Variants in PTPN2 observed in about 807,000 individuals in gnomAD.
The protein encoded by PTPN2 is tyrosine-protein phosphatase non-receptor type 2.
A neutral mutation model predicts 57.3 loss-of-function variants in PTPN2; 19 were observed. The observed-to-expected ratio is 0.33, with a 90% CI of 0.23 to 0.49. The LOEUF (loss-of-function observed/expected upper bound fraction) is 0.49. Ranked by LOEUF, PTPN2 falls within the 20% of genes least tolerant of loss-of-function variation. PTPN2 has a pLI of 0.99. For synonymous variants in PTPN2, 153 were observed against 164.9 expected (o/e 0.93, Z 0.55); for missense variants, 358 against 501.1 (o/e 0.71, Z 2.73).
chr18:12,793,814 G>T lies in PTPN2; in HGVS notation c.*464C>A. 1 of 948,090 alleles carries T rather than the reference G, an allele frequency of 1.1e-6. No homozygotes were observed. The highest frequency in any genetic ancestry group is 1.3e-6 in the Non-Finnish European group (1 of 793,586). 58.7% of individuals were successfully genotyped at this position (948,090 alleles called of 1,614,324 possible). On this transcript the variant is annotated 3_prime_UTR_variant, in exon 9 of 9. Coordinates refer to ENST00000309660, the MANE Select transcript of PTPN2 (RefSeq NM_002828.4). Reference sequence around the variant, plus strand: ...TACCCTGAAATGCTTAAGAATAAAAGTGTTGATGCCCATGTCAATAGTACA... The same window carrying T: ...TACCCTGAAATGCTTAAGAATAAAATTGTTGATGCCCATGTCAATAGTACA...
intron 1 of PTPN2, among the ~76,000 whole-genome samples, chr18:12,869,972 T>C (rs2044130853): frequency 6.6e-6 from 1 of 152,094 alleles, no homozygotes; most frequent in South Asian, 2.1e-4. Flanking sequence ...CACTTACTTA[T>C]AGCCCTTAAT....
chr18:12,870,666 G>A (rs1266369968), intron 1 of PTPN2, among the ~76,000 whole-genome samples: 2 of 149,758 alleles, frequency 1.3e-5, no homozygotes, highest in African/African-American at 4.9e-5. Flanking sequence ...CCGCAACCAC[G>A]CCCGGCTACT....
chr18:12,872,328 G>A (rs1028851127), intron 1 of PTPN2: 1 of 152,098 alleles, frequency 6.6e-6, no homozygotes, highest in Non-Finnish European at 1.5e-5. Context: ...AGTGAAAGAA[G>A]AAATAAAATA....
chr18:12,882,324 A>C (rs1482044141), intron 1 of PTPN2, among the ~76,000 whole-genome samples: 1 of 152,242 alleles, frequency 6.6e-6, no homozygotes, highest in East Asian at 1.9e-4. Flanking sequence ...CCTCGGTAAG[A>C]ATCTATAGAA....
chr18:12,849,511 A>C (rs1426545937), intron 2 of PTPN2, among the ~76,000 whole-genome samples: 1 of 152,196 alleles, frequency 6.6e-6, no homozygotes, highest in Non-Finnish European at 1.5e-5. Flanking sequence ...GTGAGCCAAG[A>C]TCGTGCCACC....
At chr18:12,859,065 G>C (rs2145474444) in intron 2 of PTPN2, 99 bp downstream of exon 2, 1 of 760,852 alleles carries the variant, frequency 1.3e-6, no homozygotes, top group East Asian at 2.8e-5. Context: ...AAAAATTACT[G>C]TATTTATCAA....
rs2041051436 is a variant in PTPN2 at position 12,793,602 on chromosome 18, A to G, written c.*676T>C. 2.0e-6 allele frequency: 2 copies of G among 976,240 alleles called. No individual in the cohort carries two copies. Among genetic ancestry groups the G allele is most frequent in the African/African-American group, 3.5e-5 (2 of 57,018 alleles). The allele number at this position is 976,240 out of a possible 1,614,324, so 60.5% of individuals were successfully genotyped here. On this transcript the variant is annotated 3_prime_UTR_variant, in exon 9 of 9. Coordinates refer to ENST00000309660, the MANE Select transcript of PTPN2 (RefSeq NM_002828.4). ...GTAAAACATAAAAGAAATGCAATATATAGTAGAAATTGCTTATTCCAACTT... is the reference window on the plus strand; with the variant it reads ...GTAAAACATAAAAGAAATGCAATATGTAGTAGAAATTGCTTATTCCAACTT...
At chr18:12,806,328 T>C (rs531404916) in intron 7 of PTPN2, among the ~76,000 whole-genome samples, 10 of 152,310 alleles carry the variant, frequency 6.6e-5, no homozygotes, top group African/African-American at 2.2e-4. Context: ...AATGGAAAGA[T>C]AGCCTATGTT....
chr18:12,827,356 AAT>A lies in PTPN2; in HGVS notation c.361-1414_361-1413del, dbSNP rs201247572. On this transcript the variant is annotated intron_variant, in intron 4 of 8. Coordinates refer to ENST00000309660, the MANE Select transcript of PTPN2 (RefSeq NM_002828.4). ...AGACTCCGTCTCAAAAAAAAAAAAA[AAT>A]AATAATAATAATAATGCCTTAAGAG... Among the ~76,000 whole-genome samples the A allele has an allele frequency of 8.7e-4, 105 of 120,566 alleles. 1 individual carries two copies. Among genetic ancestry groups the A allele is most frequent in the Middle Eastern group, 4.6e-3 (1 of 218 alleles). The allele number at this position is 120,566 out of a possible 152,430, so 79.1% of individuals were successfully genotyped here.
intron 1 of PTPN2, among the ~76,000 whole-genome samples, chr18:12,860,855 G>C (rs2043782632): frequency 6.6e-6 from 1 of 152,092 alleles, no homozygotes; most frequent in Non-Finnish European, 1.5e-5. Context: ...GGCCAGGTTT[G>C]ATCTCCCAGG....
chr18:12,845,518 C>A (rs1400936332), intron 2 of PTPN2, among the ~76,000 whole-genome samples: 1 of 152,162 alleles, frequency 6.6e-6, no homozygotes, highest in Non-Finnish European at 1.5e-5. Context: ...ATACAATTGG[C>A]TTCTGTATGC....
At chr18:12,872,435 G>A (rs965483739) in intron 1 of PTPN2, among the ~76,000 whole-genome samples, 1 of 152,178 alleles carries the variant, frequency 6.6e-6, no homozygotes, top group Non-Finnish European at 1.5e-5. Context: ...CAGAGCAAAC[G>A]GCATATTAAA....
intron 1 of PTPN2, among the ~76,000 whole-genome samples, chr18:12,877,327 T>A (rs1304357574): frequency 6.6e-6 from 1 of 152,130 alleles, no homozygotes; most frequent in African/African-American, 2.4e-5. Flanking sequence ...TATAGAGAAC[T>A]AAGAAATGAG....
intron 2 of PTPN2, among the ~76,000 whole-genome samples, chr18:12,855,353 A>T (rs766744495): frequency 6.6e-6 from 1 of 152,074 alleles, no homozygotes; most frequent in Non-Finnish European, 1.5e-5. Context: ...AAAGAGAAGA[A>T]GTTATGAGAT....
At chr18:12,802,491 T>C (rs1026584420) in intron 7 of PTPN2, among the ~76,000 whole-genome samples, 1 of 152,196 alleles carries the variant, frequency 6.6e-6, no homozygotes, top group African/African-American at 2.4e-5. Context: ...ATTTTAATAT[T>C]GGTAGCCAGA....
chr18:12,879,433 C>T (rs1254656713), intron 1 of PTPN2, among the ~76,000 whole-genome samples: 1 of 152,216 alleles, frequency 6.6e-6, no homozygotes, highest in Non-Finnish European at 1.5e-5. Context: ...TTCATCCCTG[C>T]AATCACATAA....
At chr18:12,884,029 G>C in intron 1 of PTPN2, 44 bp downstream of exon 1, 1 of 1,516,394 alleles carries the variant, frequency 6.6e-7, no homozygotes, top group Non-Finnish European at 8.9e-7. Context: ...ACGAGTCCGG[G>C]TCTCGGAGGA....
intron 2 of PTPN2, among the ~76,000 whole-genome samples, chr18:12,846,970 G>A (rs1371670109): frequency 1.3e-5 from 2 of 150,036 alleles, no homozygotes; most frequent in African/African-American, 4.9e-5. Context: ...CAGGGACAGA[G>A]AAAGAGAAAC....
At chr18:12,824,805 G>A (rs1297251180) in intron 5 of PTPN2, among the ~76,000 whole-genome samples, 1 of 152,172 alleles carries the variant, frequency 6.6e-6, no homozygotes, top group Non-Finnish European at 1.5e-5. Context: ...TGCAAGTAAG[G>A]CCTGGCATGG....
Sources: gnomAD v4.1 joint callset for allele counts (sites outside exome capture counted in the v4.1 genomes callset) on GRCh38, gnomAD v4.1.1 for gene constraint, MANE v1.5 for transcripts, NCBI Gene and HGNC (gene_info 2026-07-23, HGNC 2026-07-21) for gene names.